YPEL5: variants seen among roughly 807,000 people sequenced by gnomAD.
YPEL5 encodes protein yippee-like 5.
A neutral mutation model predicts 10.5 loss-of-function variants in YPEL5; 1 was observed. The observed-to-expected ratio is 0.10, with a 90% CI of 0.03 to 0.45. The LOEUF is 0.45. Among genes scored for constraint, YPEL5 ranks in the 20% least tolerant of loss-of-function variants. YPEL5 has a pLI of 0.97. For synonymous variants in YPEL5, 61 were observed against 56.6 expected, an observed-to-expected ratio of 1.08 and a Z score of -0.35; for missense variants, 68 against 159.3, an observed-to-expected ratio of 0.43 and a Z score of 3.09.
chr2:30,156,537 AC>A (rs1676046068), intron 1 of YPEL5, 90 bp from the exon 2 acceptor site: 1 of 1,171,886 alleles, frequency 8.5e-7, no homozygotes, highest in African/African-American at 1.5e-5. Context: ...TTACATAAAT[AC>A]GTATACAAAT....
intron 1 of YPEL5, among the ~76,000 whole-genome samples, chr2:30,155,071 T>C (rs1675980278): frequency 6.6e-6 from 1 of 152,176 alleles, no homozygotes; most frequent in Non-Finnish European, 1.5e-5. Flanking sequence ...TGGAAAAAAA[T>C]AATGCGGTAA....
chr2:30,159,384 A>C lies in YPEL5; in HGVS notation c.*541A>C, dbSNP rs903929480. The C allele has an allele frequency of 3.9e-5, 6 of 153,312 alleles. No individual in the cohort carries two copies. The highest frequency in any genetic ancestry group is 1.4e-4 in the African/African-American group (6 of 41,420). The allele number at this position is 153,312 out of a possible 1,614,324, so 9.5% of individuals were successfully genotyped here. A position where few individuals can be genotyped will look rare whatever the true frequency, so the allele number is the denominator to read the frequency against. On this transcript the variant is annotated 3_prime_UTR_variant, in exon 3 of 3. Transcript: ENST00000261353. Reference sequence around the variant, plus strand: ...TGTTGGAGATGAACCGTAGCACCAGAGCCCATTCTTCCTTGTCAGTCTTGG... The same window carrying C: ...TGTTGGAGATGAACCGTAGCACCAGCGCCCATTCTTCCTTGTCAGTCTTGG...
intron 1 of YPEL5, among the ~76,000 whole-genome samples, chr2:30,152,887 T>TCC (rs68056135): frequency 1.3e-4 from 11 of 84,180 alleles, no homozygotes; most frequent in Admixed American, 3.8e-4. Flanking sequence ...ATGACTGTCC[T>TCC]TTGTTTTTTT....
intron 1 of YPEL5, among the ~76,000 whole-genome samples, chr2:30,149,539 A>G (rs1286502386): frequency 1.3e-5 from 2 of 152,222 alleles, no homozygotes; most frequent in African/African-American, 4.8e-5. Flanking sequence ...TGAAATTACA[A>G]TAGCAGTAAG....
intron 1 of YPEL5, among the ~76,000 whole-genome samples, chr2:30,149,049 C>G (rs1675655392): frequency 6.6e-6 from 1 of 152,144 alleles, no homozygotes; most frequent in African/African-American, 2.4e-5. Context: ...AATTACACGT[C>G]AATCCATCTA....
intron 1 of YPEL5, among the ~76,000 whole-genome samples, chr2:30,155,422 A>G (rs1236113605): frequency 6.6e-6 from 1 of 152,238 alleles, no homozygotes; most frequent in Non-Finnish European, 1.5e-5. Flanking sequence ...CCCAATCTTA[A>G]GACAACAGTA....
intron 2 of YPEL5, 27 bp from the exon 3 acceptor site, chr2:30,158,592 A>G: frequency 6.2e-7 from 1 of 1,607,438 alleles, no homozygotes; most frequent in South Asian, 1.1e-5. Context: ...ATGCCTTGCA[A>G]TTTTGATTTT....
Position 30,158,907 on chromosome 2 carries a change from T to TA in YPEL5, c.*65dup. 1 of 1,483,798 alleles carries TA rather than the reference T, an allele frequency of 6.7e-7. No homozygotes were observed. Among genetic ancestry groups the TA allele is most frequent in the African/African-American group, 1.4e-5 (1 of 72,238 alleles). The allele number at this position is 1,483,798 out of a possible 1,614,324, so 91.9% of individuals were successfully genotyped here. On this transcript the variant is annotated 3_prime_UTR_variant, in exon 3 of 3. Transcript: ENST00000261353. ...CACTGAAAACAAAAATCTACTTACA[T>TA]ACACTGTCACCTTAGCATCAGAGTC...
intron 2 of YPEL5, among the ~76,000 whole-genome samples, chr2:30,157,604 C>A (rs908386895): frequency 3.9e-5 from 6 of 152,206 alleles, no homozygotes; most frequent in African/African-American, 1.4e-4. Flanking sequence ...TCTCTAATTT[C>A]TGGCTTGCTT....
At position 30,158,845 on chromosome 2, in the gene YPEL5, G is replaced by A. The variant is rs1232112497; in HGVS notation, c.*2G>A. 1 of 1,613,278 alleles carries A rather than the reference G, an allele frequency of 6.2e-7. No homozygotes were observed. On this transcript the variant is annotated 3_prime_UTR_variant, in exon 3 of 3. Coordinates refer to ENST00000261353, the MANE Select transcript of YPEL5 (RefSeq NM_016061.3). Reference sequence around the variant, plus strand: ...CATGTACCATCTGATAACTCTTGAAGATACAGAGAGAAATCCATCTTTTCC... The same window carrying A: ...CATGTACCATCTGATAACTCTTGAAAATACAGAGAGAAATCCATCTTTTCC...
At chr2:30,156,582 CATG>C (rs1442341697) in intron 1 of YPEL5, 43 bp from the exon 2 acceptor site, 1 of 1,579,276 alleles carries the variant, frequency 6.3e-7, no homozygotes, top group Non-Finnish European at 8.7e-7. Context: ...TAGGTGCTAA[CATG>C]ATTATTATAA....
intron 1 of YPEL5, among the ~76,000 whole-genome samples, chr2:30,154,740 T>C (rs1295298298): frequency 1.3e-5 from 2 of 152,180 alleles, no homozygotes; most frequent in African/African-American, 4.8e-5. Flanking sequence ...AAATAATAAA[T>C]GTATTTTTTC....
In YPEL5 at chr2:30,159,766, A is replaced by G. The variant is rs892633987; in HGVS notation, c.*923A>G. 6.6e-6 allele frequency: 1 copy of G among 152,246 alleles called. No homozygotes were observed. Among genetic ancestry groups the G allele is most frequent in the Non-Finnish European group, 1.5e-5 (1 of 68,042 alleles). The allele number at this position is 152,246 out of a possible 1,614,324, so 9.4% of individuals were successfully genotyped here. A position where few individuals can be genotyped will look rare whatever the true frequency, so the allele number is the denominator to read the frequency against. ...ATGTCAATGTGCATTCATGCAAAAA[A>G]ACATTTAATCTGCATCTGTTTTAGA... On this transcript the variant is annotated 3_prime_UTR_variant, in exon 3 of 3. Coordinates refer to ENST00000261353, the MANE Select transcript of YPEL5 (RefSeq NM_016061.3).
chr2:30,152,993 T>C (rs1675879597), intron 1 of YPEL5, among the ~76,000 whole-genome samples: 1 of 150,478 alleles, frequency 6.6e-6, no homozygotes, highest in South Asian at 2.2e-4. Context: ...CTCCGCCTCC[T>C]GGGTTCATGC....
intron 1 of YPEL5, among the ~76,000 whole-genome samples, chr2:30,151,146 T>C (rs907227426): frequency 6.6e-6 from 1 of 152,192 alleles, no homozygotes; most frequent in African/African-American, 2.4e-5. Flanking sequence ...ATAGTGTATG[T>C]GTAAAATAAA....
rs1051028360 is a variant in YPEL5, at chr2:30,159,106, T to A, written c.*263T>A. The A allele has an allele frequency of 6.8e-5, 31 of 454,684 alleles. No individual in the cohort carries two copies. The Admixed American group carries it at 1.2e-3, about 17-fold the overall frequency. The allele number at this position is 454,684 out of a possible 1,614,324, so 28.2% of individuals were successfully genotyped here. ...GTTTACATCTTGAGGCAGCAGAGTC[T>A]GTCTGCAGCTATGTGGTGAGCTATG... On this transcript the variant is annotated 3_prime_UTR_variant, in exon 3 of 3. Transcript: ENST00000261353.
rs1676159457 is a variant in YPEL5 at position 30,158,921 on chromosome 2, A to G, written c.*78A>G. The G allele has an allele frequency of 1.5e-6, 2 of 1,354,442 alleles. No homozygotes were observed. The highest frequency in any genetic ancestry group is 1.3e-5 in the South Asian group (1 of 79,892). The allele number at this position is 1,354,442 out of a possible 1,614,324, so 83.9% of individuals were successfully genotyped here. ...ATCTACTTACATACACTGTCACCTT[A>G]GCATCAGAGTCGGATTAATGAACTG... is the stretch of plus-strand genomic sequence containing the variant. On this transcript the variant is annotated 3_prime_UTR_variant, in exon 3 of 3. Coordinates refer to ENST00000261353, the MANE Select transcript of YPEL5 (RefSeq NM_016061.3).
rs1054024775 is a variant in YPEL5, at chr2:30,160,528, C to T, written c.*1685C>T. The T allele has an allele frequency of 3.9e-5, 6 of 152,176 alleles. No homozygotes were observed. Among genetic ancestry groups the T allele is most frequent in the Non-Finnish European group, 7.4e-5 (5 of 68,014 alleles). The allele number at this position is 152,176 out of a possible 1,614,324, so 9.4% of individuals were successfully genotyped here. ...GCTGTCACAATAAAGTATATTTTGT[C>T]TTGCATTGATGCAGTACTGCTGCTT... On this transcript the variant is annotated 3_prime_UTR_variant, in exon 3 of 3. Coordinates refer to ENST00000261353, the MANE Select transcript of YPEL5 (RefSeq NM_016061.3).
chr2:30,150,506 G>C (rs988748648), intron 1 of YPEL5, among the ~76,000 whole-genome samples: 2 of 152,224 alleles, frequency 1.3e-5, no homozygotes, highest in African/African-American at 4.8e-5. Flanking sequence ...CACAGTTTAA[G>C]TCCTGGGGGT....
Sources: allele counts gnomAD v4.1 joint callset (sites outside exome capture counted in the v4.1 genomes callset), GRCh38; gene constraint gnomAD v4.1.1; transcripts MANE v1.5; gene names NCBI Gene and HGNC (gene_info 2026-07-23, HGNC 2026-07-21).